ZNF33B: variants seen among roughly 807,000 people sequenced by gnomAD.
The protein encoded by ZNF33B is zinc finger protein 11b (KOX 2).
In ZNF33B, 29 loss-of-function variants were observed where a neutral mutation model predicts 45.8. The ratio of observed to expected loss-of-function variants is 0.63; its 90% CI spans 0.47 to 0.86. The LOEUF (loss-of-function observed/expected upper bound fraction) is 0.86, where lower values mean the gene tolerates loss of function less well. Among genes scored for constraint, ZNF33B ranks in the 40% least tolerant of loss-of-function variants. The probability of loss-of-function intolerance (pLI) is 0.00; values close to 1 mark genes in which losing one functional copy is unlikely to be tolerated. For missense variants in ZNF33B, 831 were observed against 909.9 expected (o/e 0.91, Z 1.12); for synonymous variants, 305 against 307.8 (o/e 0.99, Z 0.10).
intron 1 of ZNF33B, among the ~76,000 whole-genome samples, chr10:42,576,248 C>G (rs1187178462): frequency 6.6e-6 from 1 of 152,156 alleles, no homozygotes; most frequent in African/African-American, 2.4e-5. Flanking sequence ...CTCAGCCTCC[C>G]AAAATGCTGA....
intron 1 of ZNF33B, 45 bp downstream of exon 1, chr10:42,638,429 G>A (rs1006148339): frequency 1.2e-5 from 4 of 341,448 alleles, no homozygotes; most frequent in East Asian, 9.5e-5. Flanking sequence ...TCCTGGAGTC[G>A]CGCGGGGCCC....
At chr10:42,625,038 T>TTATA (rs58614890) in intron 4 of ZNF33B, among the ~76,000 whole-genome samples, 6,909 of 145,444 alleles carry the variant, frequency 0.048, 185 homozygotes, top group Non-Finnish European at 0.052. Context: ...GTTTCATATT[T>TTATA]TATATATATA....
intron 4 of ZNF33B, among the ~76,000 whole-genome samples, chr10:42,629,559 C>T (rs1446727612): frequency 6.6e-6 from 1 of 151,956 alleles, no homozygotes; most frequent in Non-Finnish European, 1.5e-5. Context: ...TCTCCTGTAC[C>T]CCAAAAATAA....
chr10:42,582,906 GT>G, intron 1 of ZNF33B: 1 of 487,096 alleles, frequency 2.1e-6, no homozygotes, highest in Non-Finnish European at 3.8e-6. Flanking sequence ...TCTTTAGGCT[GT>G]TTCCAAATTT....
intron 4 of ZNF33B, among the ~76,000 whole-genome samples, chr10:42,612,729 G>C (rs573976080): frequency 1.3e-5 from 2 of 152,250 alleles, no homozygotes; most frequent in East Asian, 3.9e-4. Flanking sequence ...AAAGTGTTAG[G>C]AAGGTTCCCT....
In ZNF33B at chr10:42,615,264, T is replaced by C. The variant is rs561087213; in HGVS notation, c.250+16665A>G. Among the ~76,000 whole-genome samples, 11 of 152,298 alleles carry C rather than the reference T, an allele frequency of 7.2e-5. No homozygotes were observed. The East Asian group carries it at 1.5e-3, about 21-fold the overall frequency. ...AAATACATGTCCATGTGAAAACTTA[T>C]ACATGAACAATTACAGCAGAATTAT... On this transcript the variant is annotated intron_variant, in intron 4 of 4. Coordinates refer to ENST00000359467, the MANE Select transcript of ZNF33B (RefSeq NM_006955.3).
At chr10:42,587,805 T>A (rs1440538499), downstream of ZNF33B, among the ~76,000 whole-genome samples, 1 of 152,148 alleles carries the variant, frequency 6.6e-6, no homozygotes, top group Non-Finnish European at 1.5e-5. Context: ...CTGGTACCTT[T>A]TTCTCTTCTC....
intron 4 of ZNF33B, among the ~76,000 whole-genome samples, chr10:42,606,456 C>T (rs1837855758): frequency 6.6e-6 from 1 of 152,058 alleles, no homozygotes; most frequent in Non-Finnish European, 1.5e-5. Context: ...CAAAGCGAGA[C>T]TCCATCTCAG....
At chr10:42,586,545 A>G (rs547171017), downstream of ZNF33B, among the ~76,000 whole-genome samples, 2 of 152,338 alleles carry the variant, frequency 1.3e-5, no homozygotes, top group Admixed American at 1.3e-4. Flanking sequence ...CCCGGGCTCA[A>G]TCCAACCTTC....
At position 42,628,980 on chromosome 10, in the gene ZNF33B, C is replaced by G. The variant is rs548027081; in HGVS notation, c.250+2949G>C. On this transcript the variant is annotated intron_variant, in intron 4 of 4. Coordinates refer to ENST00000359467, the MANE Select transcript of ZNF33B (RefSeq NM_006955.3). ...GATATATACCCAAAAGAAAAGAAAT[C>G]AGAACATCAATGAGATATCTCTGCT... Among the ~76,000 whole-genome samples, 15 of 152,260 alleles carry G rather than the reference C, an allele frequency of 9.9e-5. No individual in the cohort carries two copies. The South Asian group carries it at 2.9e-3, about 29-fold the overall frequency.
rs1470958157 is a variant in ZNF33B, at chr10:42,590,911, T to G, written c.*1702A>C. 5.9e-5 allele frequency: 9 copies of G among 153,344 alleles called. No individual in the cohort carries two copies. Among genetic ancestry groups the G allele is most frequent in the Non-Finnish European group, 1.2e-4 (8 of 69,070 alleles). The allele number at this position is 153,344 out of a possible 1,614,324, so 9.5% of individuals were successfully genotyped here. ...TTTTCTCTTTTCAATTTCACTGATT[T>G]TTACTCTAATTTTTTTCCAGGTTAC... is the stretch of plus-strand genomic sequence containing the variant. On this transcript the variant is annotated 3_prime_UTR_variant, in exon 5 of 5. Transcript: ENST00000359467.
intron 1 of ZNF33B, among the ~76,000 whole-genome samples, chr10:42,638,003 C>T (rs1292163168): frequency 6.6e-6 from 1 of 152,184 alleles, no homozygotes; most frequent in Non-Finnish European, 1.5e-5. Flanking sequence ...CAAGTTAGGA[C>T]AGAGGAACAG....
At position 42,596,646 on chromosome 10, in the gene ZNF33B, T is replaced by C. The variant is rs151111168; in HGVS notation, c.251-1947A>G. 8.3e-4 allele frequency among the ~76,000 whole-genome samples: 126 copies of C among 152,266 alleles called. 1 individual carries two copies. The Middle Eastern group carries it at 0.024, about 29-fold the overall frequency. On this transcript the variant is annotated intron_variant, in intron 4 of 4. Coordinates refer to ENST00000359467, the MANE Select transcript of ZNF33B (RefSeq NM_006955.3). Reference sequence around the variant, plus strand: ...CTCTGCAGTGGATTATTGTTTCTAGTGTGGTCTTTCACATCTTTTGCCAGA... The same window carrying C: ...CTCTGCAGTGGATTATTGTTTCTAGCGTGGTCTTTCACATCTTTTGCCAGA...
At chr10:42,617,445 T>C (rs1838375087) in intron 4 of ZNF33B, among the ~76,000 whole-genome samples, 1 of 152,126 alleles carries the variant, frequency 6.6e-6, no homozygotes, top group Non-Finnish European at 1.5e-5. Context: ...GAAGAAATAA[T>C]GAGAAGATTC....
intron 4 of ZNF33B, among the ~76,000 whole-genome samples, chr10:42,599,790 G>A (rs1274085473): frequency 6.6e-6 from 1 of 151,826 alleles, no homozygotes; most frequent in Non-Finnish European, 1.5e-5. Context: ...AAGGACTAAG[G>A]ATCAAAATGG....
intron 4 of ZNF33B, among the ~76,000 whole-genome samples, chr10:42,604,955 G>C (rs556512378): frequency 2.0e-5 from 3 of 151,366 alleles, no homozygotes; most frequent in African/African-American, 2.4e-5. Flanking sequence ...AGAGGTTGTA[G>C]CTGGCAAAAT....
chr10:42,620,020 A>G (rs1838499759), intron 4 of ZNF33B, among the ~76,000 whole-genome samples: 1 of 152,122 alleles, frequency 6.6e-6, no homozygotes, highest in African/African-American at 2.4e-5. Context: ...GTTCAAGACG[A>G]GCCTGGCCAA....
At chr10:42,585,918 T>C (rs567683164), downstream of ZNF33B, among the ~76,000 whole-genome samples, 1 of 152,336 alleles carries the variant, frequency 6.6e-6, no homozygotes, top group South Asian at 2.1e-4. Flanking sequence ...TTTATCAAGA[T>C]GGCTGTCTTT....
Position 42,638,518 on chromosome 10 carries a change from A to AC in ZNF33B, c.-90dup, listed in dbSNP as rs1316888105. ...GCATTCGCCATAAGAGAGCCGGTAGACCCCTGAAATCCCGGGACCGCCTCC... is the reference window on the plus strand; with the variant it reads ...GCATTCGCCATAAGAGAGCCGGTAGACCCCCTGAAATCCCGGGACCGCCTCC... On this transcript the variant is annotated 5_prime_UTR_variant, in exon 1 of 5. Coordinates refer to ENST00000359467, the MANE Select transcript of ZNF33B (RefSeq NM_006955.3). 1 of 483,514 alleles carries AC rather than the reference A, an allele frequency of 2.1e-6. No homozygotes were observed. Among genetic ancestry groups the AC allele is most frequent in the East Asian group, 6.1e-5 (1 of 16,522 alleles). The allele number at this position is 483,514 out of a possible 1,614,324, so 30.0% of individuals were successfully genotyped here.
Sources: gnomAD v4.1 joint callset for allele counts (sites outside exome capture counted in the v4.1 genomes callset) on GRCh38, gnomAD v4.1.1 for gene constraint, MANE v1.5 for transcripts, NCBI Gene and HGNC (gene_info 2026-07-23, HGNC 2026-07-21) for gene names.